CSMD1: variants seen among roughly 807,000 people sequenced by gnomAD.
CSMD1 encodes CUB and Sushi multiple domains 1.
Under a neutral mutation model 417.5 loss-of-function variants are expected in CSMD1, and 213 were observed. That is an observed-to-expected ratio of 0.51 (90% CI 0.46 to 0.57). The LOEUF is 0.57. Ranked by LOEUF, CSMD1 falls within the 20% of genes least tolerant of loss-of-function variation. The pLI, the probability that CSMD1 is intolerant of heterozygous loss-of-function variation, is 0.00. For synonymous variants in CSMD1, 2,862 were observed against 1,736.8 expected (o/e 1.65, Z -16.11); for missense variants, 6,923 against 4,529.7 (o/e 1.53, Z -15.17).
At chr8:3,477,212 G>C (rs1009904392) in intron 11 of CSMD1, among the ~76,000 whole-genome samples, 3 of 152,192 alleles carry the variant, frequency 2.0e-5, no homozygotes, top group Non-Finnish European at 4.4e-5. Flanking sequence ...TGCAATATGA[G>C]ATGCCTGGAT....
intron 17 of CSMD1, 92 bp from the exon 18 acceptor site, chr8:3,387,774 G>T: frequency 2.0e-6 from 2 of 1,005,974 alleles, no homozygotes; most frequent in African/African-American, 1.6e-5. Context: ...AATAGTCTCA[G>T]AAATAATAAG....
intron 12 of CSMD1, among the ~76,000 whole-genome samples, chr8:3,450,037 G>T (rs1483007462): frequency 6.6e-6 from 1 of 152,182 alleles, no homozygotes; most frequent in East Asian, 1.9e-4. Flanking sequence ...GTCCTCAGGA[G>T]CCTCTCCTTC....
At chr8:4,732,504 C>T (rs1025687296) in intron 1 of CSMD1, among the ~76,000 whole-genome samples, 12 of 152,010 alleles carry the variant, frequency 7.9e-5, no homozygotes, top group East Asian at 7.7e-4. Flanking sequence ...GATTACTTTT[C>T]GAGTAACTTT....
At chr8:3,392,813 G>A (rs557989342) in intron 17 of CSMD1, among the ~76,000 whole-genome samples, 25 of 152,210 alleles carry the variant, frequency 1.6e-4, no homozygotes, top group African/African-American at 4.6e-4. Context: ...GACACCCTCT[G>A]AGTGGGTTGC....
At chr8:4,608,686 G>T (rs1801009045) in intron 2 of CSMD1, among the ~76,000 whole-genome samples, 1 of 152,230 alleles carries the variant, frequency 6.6e-6, no homozygotes, top group East Asian at 1.9e-4. Context: ...CCTCTTTGTG[G>T]GATTATGAAA....
intron 3 of CSMD1, among the ~76,000 whole-genome samples, chr8:4,093,571 A>G (rs1400525318): frequency 1.3e-5 from 2 of 152,196 alleles, no homozygotes; most frequent in Non-Finnish European, 2.9e-5. Context: ...CACCACATTG[A>G]AAAAAAGTGG....
intron 25 of CSMD1, among the ~76,000 whole-genome samples, chr8:3,287,987 T>A (rs199691672): frequency 6.8e-6 from 1 of 146,934 alleles, no homozygotes; most frequent in Admixed American, 6.7e-5. Flanking sequence ...ATCAATACCT[T>A]ATTTATTGAG....
intron 10 of CSMD1, among the ~76,000 whole-genome samples, chr8:3,549,260 C>T (rs543052585): frequency 1.1e-4 from 16 of 152,332 alleles, no homozygotes; most frequent in African/African-American, 2.4e-4. Flanking sequence ...ACCACAAAGG[C>T]GAAGTGTGCC....
chr8:4,002,244 T>C (rs948957869), intron 4 of CSMD1, among the ~76,000 whole-genome samples: 1 of 152,070 alleles, frequency 6.6e-6, no homozygotes, highest in Admixed American at 6.6e-5. Flanking sequence ...TGTGCGTGTG[T>C]TTGTGTGTAT....
Position 4,787,154 on chromosome 8 carries a change from G to A in CSMD1, c.86-149596C>T, listed in dbSNP as rs562002827. On this transcript the variant is annotated intron_variant, in intron 1 of 69. Coordinates refer to ENST00000635120, the MANE Select transcript of CSMD1 (RefSeq NM_033225.6). ...GAAACTATCCGCCTATACCCCTCCG[G>A]GTTCGGCCGCTGTAGCGGAGCTCGG... is the stretch of plus-strand genomic sequence containing the variant. Among the ~76,000 whole-genome samples the A allele has an allele frequency of 4.6e-5, 7 of 152,310 alleles. No homozygotes were observed. In the South Asian group the frequency reaches 1.2e-3, roughly 27 times the overall value.
chr8:4,422,005 A>C (rs1394487363), intron 2 of CSMD1, among the ~76,000 whole-genome samples: 1 of 152,134 alleles, frequency 6.6e-6, no homozygotes, highest in Non-Finnish European at 1.5e-5. Flanking sequence ...AGATAATAAA[A>C]GTTACTACAG....
chr8:4,180,285 G>A (rs935352190), intron 3 of CSMD1, among the ~76,000 whole-genome samples: 3 of 151,982 alleles, frequency 2.0e-5, no homozygotes, highest in Admixed American at 2.0e-4. Context: ...TAGGGATATG[G>A]ATGACACTGG....
intron 5 of CSMD1, among the ~76,000 whole-genome samples, chr8:3,925,572 C>G (rs978275575): frequency 1.3e-5 from 2 of 152,152 alleles, no homozygotes; most frequent in Admixed American, 6.5e-5. Flanking sequence ...GGTGAGGTAA[C>G]TGAATCGTGG....
intron 3 of CSMD1, among the ~76,000 whole-genome samples, chr8:4,397,620 G>T (rs999968862): frequency 1.5e-5 from 2 of 131,986 alleles, no homozygotes; most frequent in Admixed American, 9.2e-5. Flanking sequence ...ATTTGCTAAT[G>T]AAACAGACAA....
intron 4 of CSMD1, among the ~76,000 whole-genome samples, chr8:4,028,675 C>T (rs979974205): frequency 6.6e-6 from 1 of 152,134 alleles, no homozygotes; most frequent in Non-Finnish European, 1.5e-5. Context: ...CATTTACTAT[C>T]TCTGGAACCT....
At chr8:3,238,294 T>C (rs1402086134) in intron 26 of CSMD1, among the ~76,000 whole-genome samples, 2 of 152,086 alleles carry the variant, frequency 1.3e-5, no homozygotes, top group East Asian at 3.9e-4. Context: ...CAGGCCATTT[T>C]CACTTCTTTT....
At chr8:4,345,297 T>G (rs1387669501) in intron 3 of CSMD1, among the ~76,000 whole-genome samples, 1 of 152,158 alleles carries the variant, frequency 6.6e-6, no homozygotes, top group African/African-American at 2.4e-5. Context: ...TTAACGATGT[T>G]TGAACACCCT....
chr8:3,432,362 G>T (rs528942953), intron 12 of CSMD1, among the ~76,000 whole-genome samples: 1 of 152,172 alleles, frequency 6.6e-6, no homozygotes, highest in African/African-American at 2.4e-5. Context: ...GTCAAGTGAT[G>T]AAATGTATTT....
At chr8:4,126,880 T>A (rs1369757362) in intron 3 of CSMD1, among the ~76,000 whole-genome samples, 1 of 152,122 alleles carries the variant, frequency 6.6e-6, no homozygotes, top group Admixed American at 6.5e-5. Context: ...CCACAGCATC[T>A]GTCTCCTGGG....
Sources: allele counts gnomAD v4.1 joint callset (sites outside exome capture counted in the v4.1 genomes callset), GRCh38; gene constraint gnomAD v4.1.1; transcripts MANE v1.5; gene names NCBI Gene and HGNC (gene_info 2026-07-23, HGNC 2026-07-21).